Variants in UNC5C observed in about 807,000 individuals in gnomAD.
UNC5C encodes the protein unc-5 netrin receptor C.
UNC5C carries 47 observed loss-of-function variants against 99.8 expected under a neutral mutation model. That is an observed-to-expected ratio of 0.47 (90% CI 0.37 to 0.60). The LOEUF (loss-of-function observed/expected upper bound fraction) is 0.60, where lower values mean the gene tolerates loss of function less well. UNC5C is among the 20% of genes least tolerant of loss of function. UNC5C has a pLI of 0.00. For synonymous variants in UNC5C, 487 were observed against 452.2 expected, an observed-to-expected ratio of 1.08 and a Z score of -0.98; for missense variants, 1,062 against 1,165.9, an observed-to-expected ratio of 0.91 and a Z score of 1.30.
At chr4:95,457,763 G>T (rs971118664) in intron 1 of UNC5C, among the ~76,000 whole-genome samples, 1 of 152,030 alleles carries the variant, frequency 6.6e-6, no homozygotes, top group Non-Finnish European at 1.5e-5. Context: ...AAGACTGATG[G>T]TCTTTTTAAG....
intron 14 of UNC5C, among the ~76,000 whole-genome samples, chr4:95,182,621 A>G (rs1022316826): frequency 9.2e-5 from 14 of 152,204 alleles, no homozygotes; most frequent in African/African-American, 3.1e-4. Context: ...CTTGAAATTC[A>G]GATCTGTTTT....
At chr4:95,473,884 G>A (rs1241527182) in intron 1 of UNC5C, among the ~76,000 whole-genome samples, 3 of 152,070 alleles carry the variant, frequency 2.0e-5, no homozygotes, top group African/African-American at 7.2e-5. Context: ...TGTTTGTTAG[G>A]ATAATAGTTT....
At chr4:95,486,311 A>G (rs1370265758) in intron 1 of UNC5C, among the ~76,000 whole-genome samples, 2 of 151,752 alleles carry the variant, frequency 1.3e-5, no homozygotes, top group Non-Finnish European at 2.9e-5. Flanking sequence ...ATATGTATGC[A>G]TCACTTTCTG....
intron 12 of UNC5C, among the ~76,000 whole-genome samples, chr4:95,194,241 T>C (rs1362942162): frequency 1.3e-5 from 2 of 152,202 alleles, no homozygotes; most frequent in African/African-American, 4.8e-5. Flanking sequence ...CTCTCTCACA[T>C]CTATGTATTA....
intron 1 of UNC5C, among the ~76,000 whole-genome samples, chr4:95,361,170 A>G (rs1579357658): frequency 3.3e-5 from 5 of 152,326 alleles, no homozygotes; most frequent in Admixed American, 2.6e-4. Flanking sequence ...TCATAGAGCT[A>G]TTTCAAGGTT....
At chr4:95,227,227 G>A (rs1738734294) in intron 7 of UNC5C, among the ~76,000 whole-genome samples, 1 of 151,398 alleles carries the variant, frequency 6.6e-6, no homozygotes, top group Admixed American at 6.6e-5. Flanking sequence ...ATAGCTCACT[G>A]CAGCCTCCAC....
At chr4:95,465,464 T>C (rs1254122044) in intron 1 of UNC5C, among the ~76,000 whole-genome samples, 1 of 152,216 alleles carries the variant, frequency 6.6e-6, no homozygotes, top group Admixed American at 6.5e-5. Flanking sequence ...CATTGTGTTA[T>C]GCTACAATAT....
chr4:95,500,581 G>T (rs1442528686), intron 1 of UNC5C, among the ~76,000 whole-genome samples: 1 of 152,060 alleles, frequency 6.6e-6, no homozygotes, highest in African/African-American at 2.4e-5. Context: ...TTGATCCAAG[G>T]TTCCTCAGCT....
chr4:95,349,161 C>T (rs1246793898), intron 1 of UNC5C, among the ~76,000 whole-genome samples: 3 of 150,712 alleles, frequency 2.0e-5, no homozygotes, highest in Admixed American at 1.3e-4. Context: ...GATGAATGCT[C>T]GAGGTAAGGA....
chr4:95,372,256 G>C (rs993794486), intron 1 of UNC5C, among the ~76,000 whole-genome samples: 2 of 152,162 alleles, frequency 1.3e-5, no homozygotes, highest in Non-Finnish European at 1.5e-5. Context: ...CAGTAGGCAT[G>C]CTGCAGGATA....
At chr4:95,493,616 A>AAATTTTCTTTCC (rs1721561570) in intron 1 of UNC5C, among the ~76,000 whole-genome samples, 1 of 151,408 alleles carries the variant, frequency 6.6e-6, no homozygotes, top group Non-Finnish European at 1.5e-5. Flanking sequence ...AATTTCTTTC[A>AAATTTTCTTTCC]AATTTTCTTT....
At chr4:95,289,167 G>C (rs1224091961) in intron 3 of UNC5C, among the ~76,000 whole-genome samples, 3 of 152,322 alleles carry the variant, frequency 2.0e-5, no homozygotes, top group Non-Finnish European at 2.9e-5. Flanking sequence ...GTTACATAAA[G>C]AGTCCTCTGT....
At chr4:95,436,269 A>T (rs1278912261) in intron 1 of UNC5C, among the ~76,000 whole-genome samples, 5 of 151,940 alleles carry the variant, frequency 3.3e-5, no homozygotes, top group African/African-American at 1.2e-4. Context: ...TATTTTTCTG[A>T]AATGGAGGAA....
At chr4:95,280,190 T>C (rs1231898120) in intron 3 of UNC5C, among the ~76,000 whole-genome samples, 1 of 151,904 alleles carries the variant, frequency 6.6e-6, no homozygotes, top group East Asian at 1.9e-4. Context: ...TGGAAAAAAA[T>C]GCACTGAGAA....
intron 1 of UNC5C, among the ~76,000 whole-genome samples, chr4:95,446,779 AT>A (rs1232489723): frequency 6.6e-6 from 1 of 152,136 alleles, no homozygotes; most frequent in Non-Finnish European, 1.5e-5. Context: ...CTCAATATAA[AT>A]TTCTTTAAAA....
intron 2 of UNC5C, among the ~76,000 whole-genome samples, chr4:95,308,960 AC>A (rs1232853245): frequency 6.6e-6 from 1 of 152,014 alleles, no homozygotes; most frequent in African/African-American, 2.4e-5. Context: ...ATCACAAAAG[AC>A]CCTGAATAGC....
chr4:95,237,754 A>G (rs967475777), intron 7 of UNC5C, among the ~76,000 whole-genome samples: 1 of 152,206 alleles, frequency 6.6e-6, no homozygotes, highest in African/African-American at 2.4e-5. Flanking sequence ...ATGTTAAAAT[A>G]AATACTGAAC....
chr4:95,280,546 TGGCATGGTGGCGTGGGC>T, intron 3 of UNC5C, among the ~76,000 whole-genome samples: 1 of 152,014 alleles, frequency 6.6e-6, no homozygotes, highest in East Asian at 1.9e-4. Flanking sequence ...AAAATTAGCT[TGGCATGGTGGCGTGGGC>T]CTGTAGTCCT....
Position 95,245,157 on chromosome 4 carries a change from A to C in UNC5C, c.776-13T>G. On this transcript the variant is annotated splice_polypyrimidine_tract_variant and intron_variant, in intron 5 of 15. Transcript: ENST00000453304. ...CAGCCACCGTTGACTGAAAGGAGGC[A>C]AACAGTAAAAAGTGGATTAAACATG... 1.2e-6 allele frequency: 2 copies of C among 1,608,672 alleles called. No individual in the cohort carries two copies. Among genetic ancestry groups the C allele is most frequent in the Non-Finnish European group, 1.7e-6 (2 of 1,178,424 alleles).
Sources: allele counts gnomAD v4.1 joint callset (sites outside exome capture counted in the v4.1 genomes callset), GRCh38; gene constraint gnomAD v4.1.1; transcripts MANE v1.5; gene names NCBI Gene and HGNC (gene_info 2026-07-23, HGNC 2026-07-21).